The following ATP2B4 variants were observed in gnomAD, a reference collection of about 807,000 sequenced individuals.
ATP2B4 encodes ATPase plasma membrane Ca2+ transporting 4.
A neutral mutation model predicts 110.3 loss-of-function variants in ATP2B4; 39 were observed. The ratio of observed to expected loss-of-function variants is 0.35; its 90% CI spans 0.27 to 0.46. The LOEUF is 0.46. ATP2B4 is among the 20% of genes least tolerant of loss of function. The pLI is 1.00. For synonymous variants in ATP2B4, 538 were observed against 571.7 expected, an observed-to-expected ratio of 0.94 and a Z score of 0.84; for missense variants, 1,135 against 1,530.9, an observed-to-expected ratio of 0.74 and a Z score of 4.32.
chr1:203,729,840 C>A, intron 20 of ATP2B4: 1 of 1,243,758 alleles, frequency 8.0e-7, no homozygotes, highest in Non-Finnish European at 1.1e-6. Flanking sequence ...TCTCAGAGGG[C>A]TTGGTCCCCT....
chr1:203,734,784 C>G (rs1244119099), intron 20 of ATP2B4, among the ~76,000 whole-genome samples: 1 of 150,718 alleles, frequency 6.6e-6, no homozygotes, highest in Non-Finnish European at 1.5e-5. Flanking sequence ...GCAGGTGGAT[C>G]ATAAGGTCAG....
intron 2 of ATP2B4, among the ~76,000 whole-genome samples, chr1:203,696,403 A>G (rs1665534608): frequency 1.3e-5 from 2 of 151,704 alleles, no homozygotes; most frequent in African/African-American, 4.8e-5. Context: ...TCCATCATCC[A>G]CTTCTTGTTC....
intron 6 of ATP2B4, among the ~76,000 whole-genome samples, chr1:203,701,824 A>C (rs1431904555): frequency 1.3e-5 from 2 of 152,172 alleles, no homozygotes; most frequent in African/African-American, 2.4e-5. Context: ...GTATGCACTC[A>C]CCTACATGAG....
In ATP2B4 at chr1:203,645,458, T is replaced by G. The variant is rs1295823896; in HGVS notation, c.-465+18239T>G. Among the ~76,000 whole-genome samples the G allele has an allele frequency of 5.9e-5, 9 of 152,322 alleles. No individual in the cohort carries two copies. The South Asian group carries it at 1.0e-3, about 18-fold the overall frequency. On this transcript the variant is annotated intron_variant, in intron 1 of 20. Transcript: ENST00000357681. ...ATTCTGTGATCTAATCTACCTAGTT[T>G]TGTGAGGGGTTTTTTTATTTTGTTT...
At chr1:203,642,275 G>T (rs1349535065) in intron 1 of ATP2B4, among the ~76,000 whole-genome samples, 1 of 151,982 alleles carries the variant, frequency 6.6e-6, no homozygotes, top group South Asian at 2.1e-4. Flanking sequence ...TTTAGAAATG[G>T]GTCTTGCTAT....
At chr1:203,735,188 A>G (rs1308666922) in intron 20 of ATP2B4, among the ~76,000 whole-genome samples, 2 of 152,158 alleles carry the variant, frequency 1.3e-5, no homozygotes, top group Non-Finnish European at 2.9e-5. Context: ...ACCAATAGCC[A>G]GCACTTATTT....
chr1:203,722,689 G>C lies in ATP2B4; in HGVS notation c.3024G>C (p.Gln1008His). ...CSVVLGTFIC[Q>H]IFIVEFGGKP... ...TAGTCTTGGGCACATTCATCTGCCA[G>C]GTGAGATTCTATCTGCAGTTGGGGC... Residue 1008 changes from glutamine to histidine, a missense_variant and splice_region_variant, in exon 18 of 21, where the codon CAG becomes CAC. By Grantham distance (24) the Gln-to-His change is conservative. Transcript: ENST00000357681. 2.5e-6 allele frequency: 4 copies of C among 1,613,870 alleles called. No individual in the cohort carries two copies. Among genetic ancestry groups the C allele is most frequent in the Non-Finnish European group, 3.4e-6 (4 of 1,179,764 alleles).
intron 1 of ATP2B4, among the ~76,000 whole-genome samples, chr1:203,665,164 G>T (rs1444283180): frequency 6.6e-6 from 1 of 152,200 alleles, no homozygotes; most frequent in Non-Finnish European, 1.5e-5. Flanking sequence ...ATAGCCCACA[G>T]GAGCAAGGCC....
chr1:203,710,759 C>A, intron 11 of ATP2B4, 118 bp from the exon 12 acceptor site: 1 of 809,764 alleles, frequency 1.2e-6, no homozygotes. Flanking sequence ...AAATGTTTGG[C>A]CACACTTGGA....
chr1:203,627,430 A>G (rs1410745893), intron 1 of ATP2B4, among the ~76,000 whole-genome samples: 1 of 152,158 alleles, frequency 6.6e-6, no homozygotes, highest in African/African-American at 2.4e-5. Context: ...ATAGTCGAAC[A>G]AGTGATTTAT....
intron 20 of ATP2B4, chr1:203,729,717 A>C: frequency 7.4e-7 from 1 of 1,349,382 alleles, no homozygotes; most frequent in Non-Finnish European, 9.9e-7. Context: ...CTTCCTGGGG[A>C]GCCCTGAGCA....
chr1:203,723,811 G>C, intron 18 of ATP2B4, 70 bp from the exon 19 acceptor site: 1 of 1,256,720 alleles, frequency 8.0e-7, no homozygotes, highest in South Asian at 1.4e-5. Context: ...GGCTTTGGGG[G>C]CCTTGGCTGG....
intron 1 of ATP2B4, among the ~76,000 whole-genome samples, chr1:203,681,182 C>G (rs1664999605): frequency 6.6e-6 from 1 of 152,152 alleles, no homozygotes; most frequent in Non-Finnish European, 1.5e-5. Flanking sequence ...CTTTGTAAGT[C>G]AGAGTAGTGC....
intron 13 of ATP2B4, among the ~76,000 whole-genome samples, chr1:203,712,422 C>G (rs915009190): frequency 2.6e-5 from 4 of 152,020 alleles, no homozygotes; most frequent in African/African-American, 9.7e-5. Flanking sequence ...GAAACCCCGT[C>G]TCTACCAAAA....
chr1:203,707,160 G>A lies in ATP2B4; in HGVS notation c.1251G>A (p.Leu417=), dbSNP rs756052361. ...VKFFIIGITV[L]VVAVPEGLPL... is the part of the protein sequence containing the mutation. Reference sequence around the variant, plus strand: ...TCTTCATCATCGGCATCACTGTACTGGTGGTGGCTGTGCCAGAGGGGCTGC... The same window carrying A: ...TCTTCATCATCGGCATCACTGTACTAGTGGTGGCTGTGCCAGAGGGGCTGC... Residue 417 remains leucine (L), a synonymous_variant, in exon 9 of 21, where the codon CTG becomes CTA. Coordinates refer to ENST00000357681, the MANE Select transcript of ATP2B4 (RefSeq NM_001684.5). 3.1e-6 allele frequency: 5 copies of A among 1,614,114 alleles called. No individual in the cohort carries two copies. The highest frequency in any genetic ancestry group is 4.2e-6 in the Non-Finnish European group (5 of 1,180,018).
chr1:203,682,108 T>C (rs1413436427), intron 1 of ATP2B4, among the ~76,000 whole-genome samples: 1 of 152,180 alleles, frequency 6.6e-6, no homozygotes, highest in East Asian at 1.9e-4. Flanking sequence ...GGCTGAGTAC[T>C]CTAACGGGCT....
chr1:203,688,621 C>G (rs2365858), intron 2 of ATP2B4, among the ~76,000 whole-genome samples: 126,547 of 151,974 alleles, frequency 0.83, 53,515 homozygotes, highest in East Asian at 1. Flanking sequence ...TGTTTTGATA[C>G]TGGCTTGTGT....
chr1:203,666,939 G>A (rs1664521831), intron 1 of ATP2B4, among the ~76,000 whole-genome samples: 1 of 152,090 alleles, frequency 6.6e-6, no homozygotes, highest in Admixed American at 6.6e-5. Flanking sequence ...GAGCTCTCTA[G>A]CACCTTTTTG....
intron 1 of ATP2B4, among the ~76,000 whole-genome samples, chr1:203,674,749 C>T (rs533086340): frequency 6.8e-5 from 10 of 146,600 alleles, no homozygotes; most frequent in African/African-American, 2.2e-4. Context: ...CTCCATCTCC[C>T]GGGTTCAAGC....
Sources: gnomAD v4.1 joint callset for allele counts (sites outside exome capture counted in the v4.1 genomes callset) on GRCh38, gnomAD v4.1.1 for gene constraint, MANE v1.5 for transcripts, NCBI Gene and HGNC (gene_info 2026-07-23, HGNC 2026-07-21) for gene names.